STK3: variants seen among roughly 807,000 people sequenced by gnomAD.
STK3 encodes the protein serine/threonine-protein kinase 3.
STK3 carries 41 observed loss-of-function variants against 58.0 expected under a neutral mutation model. The ratio of observed to expected loss-of-function variants is 0.71; its 90% confidence interval spans 0.55 to 0.92. The LOEUF is 0.92. Ranked by LOEUF, STK3 falls within the 40% of genes least tolerant of loss-of-function variation. The pLI is 0.00. For missense variants in STK3, 479 were observed against 602.7 expected (o/e 0.79, Z 2.15); for synonymous variants, 170 against 191.0 (o/e 0.89, Z 0.91).
At chr8:98,853,536 G>T (rs1356946952) in intron 3 of STK3, among the ~76,000 whole-genome samples, 1 of 152,138 alleles carries the variant, frequency 6.6e-6, no homozygotes, top group Middle Eastern at 3.2e-3. Flanking sequence ...TCTATTTTAT[G>T]GCTGGTCCTG....
chr8:98,828,581 AAAAG>A (rs1253087840), upstream of STK3, among the ~76,000 whole-genome samples: 1 of 151,958 alleles, frequency 6.6e-6, no homozygotes, highest in African/African-American at 2.4e-5. Context: ...ACCCTGTTTC[AAAAG>A]AAAGAAAAGA....
At chr8:98,512,264 GTTT>G (rs754830986) in intron 10 of STK3, among the ~76,000 whole-genome samples, 2 of 152,000 alleles carry the variant, frequency 1.3e-5, no homozygotes, top group Non-Finnish European at 2.9e-5. Flanking sequence ...GATGTAATTT[GTTT>G]TTAACTTTCA....
intron 3 of STK3, among the ~76,000 whole-genome samples, chr8:98,426,465 C>T (rs1160859946): frequency 6.6e-6 from 1 of 152,196 alleles, no homozygotes; most frequent in Non-Finnish European, 1.5e-5. Flanking sequence ...ACAGAGCTCC[C>T]GACCAGAACT....
At chr8:98,345,817 A>C in the STK3 span, among the ~76,000 whole-genome samples, 1 of 152,110 alleles carries the variant, frequency 6.6e-6, no homozygotes, top group African/African-American at 2.4e-5. Flanking sequence ...AAAATATAAA[A>C]GATCCAAATT....
At chr8:98,598,892 G>A (rs754041302) in intron 6 of STK3, 193 of 985,218 alleles carry the variant, frequency 2.0e-4, no homozygotes, top group Non-Finnish European at 2.2e-4. Context: ...GTTTAATAAC[G>A]CAAGAAATCT....
At chr8:98,759,961 A>C (rs1830517645) in intron 3 of STK3, among the ~76,000 whole-genome samples, 1 of 152,166 alleles carries the variant, frequency 6.6e-6, no homozygotes, top group African/African-American at 2.4e-5. Flanking sequence ...TGTCTAGATT[A>C]CTTATTACAC....
At chr8:98,723,598 TA>T (rs1481743384) in intron 4 of STK3, among the ~76,000 whole-genome samples, 2 of 152,154 alleles carry the variant, frequency 1.3e-5, no homozygotes, top group Non-Finnish European at 2.9e-5. Context: ...TTTAATTTTC[TA>T]ATAAGTCTTT....
chr8:98,393,380 G>T (rs1322211489), intron 3 of STK3, among the ~76,000 whole-genome samples: 2 of 152,098 alleles, frequency 1.3e-5, no homozygotes, highest in Non-Finnish European at 2.9e-5. Context: ...TACAGATATG[G>T]CAATAGTCCT....
At chr8:98,852,122 T>C (rs972765401) in intron 3 of STK3, among the ~76,000 whole-genome samples, 1 of 152,112 alleles carries the variant, frequency 6.6e-6, no homozygotes, top group Admixed American at 6.6e-5. Flanking sequence ...CAAGTTGCCT[T>C]TGGAGCTAAG....
intron 6 of STK3, among the ~76,000 whole-genome samples, chr8:98,673,685 T>C (rs916244131): frequency 3.9e-5 from 6 of 152,180 alleles, no homozygotes; most frequent in Admixed American, 3.9e-4. Flanking sequence ...AAGAAATGTT[T>C]TAGAACTAGA....
chr8:98,824,075 A>C (rs1835088106), intron 1 of STK3, among the ~76,000 whole-genome samples: 1 of 152,230 alleles, frequency 6.6e-6, no homozygotes, highest in African/African-American at 2.4e-5. Context: ...AAATATTATG[A>C]ATATGAAAAT....
intron 1 of STK3, among the ~76,000 whole-genome samples, chr8:98,444,905 T>C (rs916542159): frequency 2.0e-5 from 3 of 152,178 alleles, no homozygotes; most frequent in Non-Finnish European, 4.4e-5. Context: ...ATAGTGATAA[T>C]TGAATATTGC....
At chr8:98,510,459 GTTTT>G in intron 10 of STK3, among the ~76,000 whole-genome samples, 1 of 150,812 alleles carries the variant, frequency 6.6e-6, no homozygotes, top group South Asian at 2.1e-4. Flanking sequence ...ACATCAGAGG[GTTTT>G]TTTTTAAAAC....
At chr8:98,936,054 T>C (rs1194597510) in intron 1 of STK3, among the ~76,000 whole-genome samples, 1 of 152,092 alleles carries the variant, frequency 6.6e-6, no homozygotes, top group Non-Finnish European at 1.5e-5. Flanking sequence ...GTAGTGGGAC[T>C]ACAGGTGCCC....
chr8:98,426,251 C>A (rs1818231014), intron 3 of STK3, among the ~76,000 whole-genome samples: 1 of 152,198 alleles, frequency 6.6e-6, no homozygotes, highest in African/African-American at 2.4e-5. Flanking sequence ...CACACGGTTC[C>A]CCATGCCACA....
chr8:98,817,344 C>T (rs914714362), intron 1 of STK3, among the ~76,000 whole-genome samples: 3 of 151,040 alleles, frequency 2.0e-5, no homozygotes, highest in Non-Finnish European at 2.9e-5. Context: ...GTCCCAGCGG[C>T]TTGGGAGGCT....
At chr8:98,624,896 G>A (rs998651126) in intron 6 of STK3, among the ~76,000 whole-genome samples, 1 of 152,020 alleles carries the variant, frequency 6.6e-6, no homozygotes, top group East Asian at 1.9e-4. Context: ...TGACAGAGTA[G>A]AGTCTTGGCT....
rs111226603 is a variant in STK3, at chr8:98,469,790, T to A, written c.1318-13790A>T. On this transcript the variant is annotated intron_variant, in intron 10 of 10. Coordinates refer to ENST00000419617, the MANE Select transcript of STK3 (RefSeq NM_006281.4). ...AAAATGCATCTTTAATTATTGACCATATGAAAGACATATTGTTGGTTTACC... is the reference window on the plus strand; with the variant it reads ...AAAATGCATCTTTAATTATTGACCAAATGAAAGACATATTGTTGGTTTACC... 1.2e-3 allele frequency among the ~76,000 whole-genome samples: 183 copies of A among 152,348 alleles called. 1 individual carries two copies. Among genetic ancestry groups the A allele is most frequent in the African/African-American group, 4.3e-3 (179 of 41,584 alleles).
At chr8:98,798,338 T>C (rs755920261) in intron 1 of STK3, among the ~76,000 whole-genome samples, 2 of 152,230 alleles carry the variant, frequency 1.3e-5, no homozygotes, top group Non-Finnish European at 2.9e-5. Flanking sequence ...ATTTTCTATT[T>C]TCCTGACTTG....
Sources: gnomAD v4.1 joint callset for allele counts (sites outside exome capture counted in the v4.1 genomes callset) on GRCh38, gnomAD v4.1.1 for gene constraint, MANE v1.5 for transcripts, NCBI Gene and HGNC (gene_info 2026-07-23, HGNC 2026-07-21) for gene names.